The following RYK variants were observed in gnomAD, a reference collection of about 807,000 sequenced individuals.
RYK encodes the protein receptor like tyrosine kinase.
A neutral mutation model predicts 70.2 loss-of-function variants in RYK; 21 were observed. That is an observed-to-expected ratio of 0.30 (90% confidence interval 0.21 to 0.43). RYK has a LOEUF of 0.43. Ranked by LOEUF, RYK falls within the 20% of genes least tolerant of loss-of-function variation. The pLI is 1.00. For missense variants in RYK, 604 were observed against 753.3 expected (o/e 0.80, Z 2.32); for synonymous variants, 267 against 278.0 (o/e 0.96, Z 0.39).
chr3:134,210,221 C>A (rs2014346980), intron 3 of RYK, among the ~76,000 whole-genome samples: 2 of 152,148 alleles, frequency 1.3e-5, no homozygotes, highest in African/African-American at 4.8e-5. Flanking sequence ...ACAGAAATTA[C>A]ATGATCAAAT....
intron 6 of RYK, among the ~76,000 whole-genome samples, chr3:134,200,186 C>T (rs1193410551): frequency 2.6e-5 from 4 of 152,092 alleles, no homozygotes; most frequent in African/African-American, 9.7e-5. Flanking sequence ...TTCTTTCGCT[C>T]TTCACAATAA....
chr3:134,221,366 C>T (rs768324363), intron 2 of RYK, among the ~76,000 whole-genome samples: 4 of 151,258 alleles, frequency 2.6e-5, no homozygotes, highest in African/African-American at 7.3e-5. Context: ...CACCACACCT[C>T]GCTAATTTTC....
At chr3:134,173,293 A>T (rs1238111951) in intron 13 of RYK, among the ~76,000 whole-genome samples, 2 of 151,952 alleles carry the variant, frequency 1.3e-5, no homozygotes, top group Admixed American at 6.6e-5. Context: ...AAAAAAAAAA[A>T]TTTAAAAATT....
At chr3:134,197,351 G>A (rs2013848885) in intron 6 of RYK, among the ~76,000 whole-genome samples, 1 of 152,178 alleles carries the variant, frequency 6.6e-6, no homozygotes, top group Admixed American at 6.5e-5. Flanking sequence ...TACGGCCTAG[G>A]ACAAACTATT....
chr3:134,240,519 CT>C (rs1272157459), intron 1 of RYK, among the ~76,000 whole-genome samples: 1 of 152,148 alleles, frequency 6.6e-6, no homozygotes, highest in African/African-American at 2.4e-5. Flanking sequence ...GTCTATGATA[CT>C]GTAGTGGATA....
intron 1 of RYK, among the ~76,000 whole-genome samples, chr3:134,246,169 A>C (rs1388592857): frequency 2.6e-5 from 4 of 151,984 alleles, no homozygotes; most frequent in African/African-American, 4.8e-5. Flanking sequence ...ATGATCATTA[A>C]AATTGAGAAC....
chr3:134,240,325 A>C (rs1275682521), intron 1 of RYK, among the ~76,000 whole-genome samples: 1 of 152,182 alleles, frequency 6.6e-6, no homozygotes, highest in Non-Finnish European at 1.5e-5. Flanking sequence ...CTATGAGTTG[A>C]GAACTGCTGA....
At chr3:134,179,235 T>G (rs1390740498) in intron 10 of RYK, 1 of 152,250 alleles carries the variant, frequency 6.6e-6, no homozygotes, top group African/African-American at 2.4e-5. Flanking sequence ...GTTGTAAGAC[T>G]ATAGATAATT....
intron 7 of RYK, among the ~76,000 whole-genome samples, chr3:134,193,920 T>A (rs1387190852): frequency 6.6e-6 from 1 of 152,186 alleles, no homozygotes; most frequent in Non-Finnish European, 1.5e-5. Flanking sequence ...CAGAAAAGAA[T>A]GCTCCATGAA....
intron 13 of RYK, among the ~76,000 whole-genome samples, chr3:134,162,306 T>C (rs150454666): frequency 6.6e-6 from 1 of 151,938 alleles, no homozygotes; most frequent in African/African-American, 2.4e-5. Flanking sequence ...ACGTAAACTT[T>C]CAGAACACAG....
chr3:134,197,565 C>T (rs1048185914), intron 6 of RYK, among the ~76,000 whole-genome samples: 3 of 151,992 alleles, frequency 2.0e-5, no homozygotes, highest in African/African-American at 7.2e-5. Context: ...CATCTCCAGT[C>T]GTTAGAGCAA....
intron 10 of RYK, chr3:134,178,960 A>G (rs1047181628): frequency 1.3e-5 from 2 of 152,206 alleles, no homozygotes; most frequent in African/African-American, 4.8e-5. Flanking sequence ...TATATAAAAC[A>G]AACATTTAAT....
rs2012275988 is a variant in RYK at position 134,157,272 on chromosome 3, C to G, written c.*881G>C. 1 of 152,614 alleles carries G rather than the reference C, an allele frequency of 6.6e-6. No individual in the cohort carries two copies. Among genetic ancestry groups the G allele is most frequent in the Non-Finnish European group, 1.5e-5 (1 of 68,054 alleles). 9.5% of individuals were successfully genotyped at this position (152,614 alleles called of 1,614,324 possible). On this transcript the variant is annotated 3_prime_UTR_variant, in exon 15 of 15. Transcript: ENST00000623711. The stretch of plus-strand genomic sequence containing the variant: ...AACGACAACAACTCAAGCACCCGCT[C>G]TGTGCATAGCACTATTCTAGGTGCA...
chr3:134,240,150 A>C (rs1010265661), intron 1 of RYK, among the ~76,000 whole-genome samples: 15 of 152,194 alleles, frequency 9.9e-5, no homozygotes, highest in African/African-American at 3.1e-4. Flanking sequence ...AATGTGCAAT[A>C]ATGGTTATTT....
intron 13 of RYK, 38 bp from the exon 14 acceptor site, chr3:134,159,411 AAAC>A: frequency 6.5e-7 from 1 of 1,546,490 alleles, no homozygotes; most frequent in Non-Finnish European, 8.7e-7. Context: ...GGGACATTTA[AAAC>A]AACAGTCAGG....
intron 10 of RYK, chr3:134,180,725 A>G (rs966666307): frequency 6.6e-6 from 1 of 152,254 alleles, no homozygotes; most frequent in Non-Finnish European, 1.5e-5. Context: ...AACTGCTACA[A>G]TGAATGGAAA....
intron 1 of RYK, among the ~76,000 whole-genome samples, chr3:134,235,516 TA>T (rs1576535646): frequency 6.6e-6 from 1 of 152,070 alleles, no homozygotes; most frequent in Admixed American, 6.6e-5. Context: ...AGATGAAATC[TA>T]TAGAGAATAT....
At chr3:134,182,339 T>C (rs372753379) in intron 10 of RYK, among the ~76,000 whole-genome samples, 1 of 152,288 alleles carries the variant, frequency 6.6e-6, no homozygotes, top group East Asian at 1.9e-4. Flanking sequence ...GTCAGATACA[T>C]TGTTTCATTA....
At chr3:134,204,007 GTTTGGGT>G (rs1042012294) in intron 5 of RYK, among the ~76,000 whole-genome samples, 9 of 152,168 alleles carry the variant, frequency 5.9e-5, no homozygotes, top group African/African-American at 1.7e-4. Flanking sequence ...CAACAACAAT[GTTTGGGT>G]TAGAGGAATC....
Sources: gnomAD v4.1 joint callset for allele counts (sites outside exome capture counted in the v4.1 genomes callset) on GRCh38, gnomAD v4.1.1 for gene constraint, MANE v1.5 for transcripts, NCBI Gene and HGNC (gene_info 2026-07-23, HGNC 2026-07-21) for gene names.